The following GALNS variants were observed in gnomAD, a reference collection of about 807,000 sequenced individuals.
GALNS encodes N-acetylgalactosamine-6-sulfatase.
GALNS carries 65 observed loss-of-function variants against 65.9 expected under a neutral mutation model. The ratio of observed to expected loss-of-function variants is 0.99; its 90% CI spans 0.81 to 1.21. The LOEUF (loss-of-function observed/expected upper bound fraction) is 1.21. Among genes scored for constraint, GALNS ranks in the 50% most tolerant of loss-of-function variants. The pLI, the probability that GALNS is intolerant of heterozygous loss-of-function variation, is 0.00. For synonymous variants in GALNS, 346 were observed against 288.9 expected (o/e 1.20, Z -2.00); for missense variants, 776 against 700.7 (o/e 1.11, Z -1.21).
At position 88,823,790 on chromosome 16, in the gene GALNS, C is replaced by T. The variant is rs1187096714; in HGVS notation, c.1242+977G>A. Among the ~76,000 whole-genome samples, 18 of 145,326 alleles carry T rather than the reference C, an allele frequency of 1.2e-4. 1 individual carries two copies. Among genetic ancestry groups the T allele is most frequent in the African/African-American group, 3.9e-4 (15 of 38,922 alleles). On this transcript the variant is annotated intron_variant, in intron 11 of 13. Transcript: ENST00000268695. ...CTCGCAGGCGGCAATGCCCGGGGAC[C>T]GATGCCCAGGACGGCCCTCGCAGGC...
intron 9 of GALNS, among the ~76,000 whole-genome samples, chr16:88,829,313 C>T (rs979964908): frequency 2.0e-5 from 3 of 152,146 alleles, no homozygotes; most frequent in Non-Finnish European, 2.9e-5. Context: ...GTGGAGGGGG[C>T]GGCACAGCTG....
intron 13 of GALNS, among the ~76,000 whole-genome samples, 177 bp downstream of exon 13, chr16:88,817,830 C>T (rs1051918170): frequency 1.3e-5 from 2 of 152,216 alleles, no homozygotes; most frequent in Non-Finnish European, 2.9e-5. Context: ...CGCTTGGCTC[C>T]TGCCTCCCGA....
At chr16:88,821,215 C>G (rs571491912) in intron 12 of GALNS, among the ~76,000 whole-genome samples, 3 of 152,328 alleles carry the variant, frequency 2.0e-5, no homozygotes, top group Admixed American at 6.5e-5. Flanking sequence ...GGGCTGTGCA[C>G]CCCTGGAGGA....
At chr16:88,836,353 C>A in intron 5 of GALNS, 86 bp from the exon 6 acceptor site, 1 of 1,123,830 alleles carries the variant, frequency 8.9e-7, no homozygotes, top group Admixed American at 1.9e-5. Flanking sequence ...AAGCCATGGG[C>A]TTCATTTAAA....
intron 10 of GALNS, among the ~76,000 whole-genome samples, chr16:88,825,699 A>G (rs1910816393): frequency 6.6e-6 from 1 of 151,228 alleles, no homozygotes; most frequent in African/African-American, 2.4e-5. Context: ...GTGGGCAGAC[A>G]AGAGGATAAG....
chr16:88,841,098 G>C lies in GALNS; in HGVS notation c.320-4C>G. ...ACAATCTCCTGCGGTGTGTAGGCTG[G>C]AAGAGCAGCGCTGGGTGAGCCCCGA... On this transcript the variant is annotated splice_region_variant and splice_polypyrimidine_tract_variant and intron_variant, in intron 3 of 13. Coordinates refer to ENST00000268695, the MANE Select transcript of GALNS (RefSeq NM_000512.5). 6.2e-7 allele frequency: 1 copy of C among 1,611,852 alleles called. No individual in the cohort carries two copies. The highest frequency in any genetic ancestry group is 1.1e-5 in the South Asian group (1 of 91,062).
intron 2 of GALNS, chr16:88,842,276 C>T (rs1012459352): frequency 2.4e-5 from 13 of 543,608 alleles, no homozygotes; most frequent in South Asian, 3.9e-5. Context: ...CCCCCATCCT[C>T]GAGCACCAGC....
At chr16:88,816,013 G>C (rs757421104) in intron 13 of GALNS, 23 of 985,314 alleles carry the variant, frequency 2.3e-5, no homozygotes, top group Non-Finnish European at 2.4e-5. Flanking sequence ...GAAGGGGTAA[G>C]GAGGGCCCCC....
At chr16:88,825,240 T>C (rs1265934699) in intron 10 of GALNS, among the ~76,000 whole-genome samples, 3 of 85,716 alleles carry the variant, frequency 3.5e-5, no homozygotes, top group Non-Finnish European at 4.0e-5. Flanking sequence ...GGGGCTGGGG[T>C]GTCTGGGTGG....
intron 1 of GALNS, chr16:88,856,265 G>C (rs1420090318): frequency 1.4e-6 from 1 of 702,904 alleles, no homozygotes; most frequent in Non-Finnish European, 2.6e-6. Context: ...GGAGCCCAGC[G>C]GGGGGACCCG....
intron 1 of GALNS, chr16:88,843,859 GC>G (rs904666842): frequency 6.5e-6 from 1 of 153,032 alleles, no homozygotes; most frequent in Non-Finnish European, 1.5e-5. Context: ...ACCGCGCACG[GC>G]CCTGGAAAGC....
chr16:88,854,545 G>A (rs74035866), intron 1 of GALNS, among the ~76,000 whole-genome samples: 3,785 of 152,332 alleles, frequency 0.025, 62 homozygotes, highest in East Asian at 0.057. Flanking sequence ...AGGCTCCGAG[G>A]CCTGGGCTGG....
chr16:88,853,576 A>C (rs1022011243), intron 1 of GALNS, among the ~76,000 whole-genome samples: 4 of 152,074 alleles, frequency 2.6e-5, no homozygotes, highest in Non-Finnish European at 5.9e-5. Context: ...CTATTTTCCA[A>C]ATAAGGAGTG....
At chr16:88,851,908 T>A (rs1419442273) in intron 1 of GALNS, among the ~76,000 whole-genome samples, 2 of 152,234 alleles carry the variant, frequency 1.3e-5, no homozygotes, top group Non-Finnish European at 2.9e-5. Context: ...GCTGCCTCTG[T>A]AGACCCCACC....
At chr16:88,827,150 G>A (rs936045376) in intron 9 of GALNS, 19 of 506,842 alleles carry the variant, frequency 3.7e-5, no homozygotes, top group Middle Eastern at 5.4e-4. Flanking sequence ...CCACCTGTCC[G>A]GAGAGGATCA....
chr16:88,836,083 A>C (rs1004412857), intron 6 of GALNS, 118 bp downstream of exon 6: 1 of 1,115,966 alleles, frequency 9.0e-7, no homozygotes, highest in Non-Finnish European at 1.3e-6. Context: ...CCCTGAACCC[A>C]TGCCTCCCAC....
intron 1 of GALNS, chr16:88,844,635 C>T (rs12444242): frequency 0.21 from 32,415 of 152,300 alleles, 4,081 homozygotes; most frequent in East Asian, 0.56. Context: ...TCAGCAGCTT[C>T]GGCAGCACAA....
chr16:88,841,075 A>C lies in GALNS; in HGVS notation c.339T>G (p.Ile113Met). 6.2e-7 allele frequency: 1 copy of C among 1,613,042 alleles called. No homozygotes were observed. The highest frequency in any genetic ancestry group is 2.2e-5 in the East Asian group (1 of 44,860). ...HARNAYTPQE[I>M]VGGIPDSEQL... is the part of the protein sequence containing the mutation. ...GCTCCGAGTCTGGGATGCCGCCCAC[A>C]ATCTCCTGCGGTGTGTAGGCTGGAA... The change falls in exon 4 of 14, where the codon ATT (isoleucine) becomes ATG (methionine). Residue 113 changes from isoleucine (I) to methionine (M), a missense_variant. Coordinates refer to ENST00000268695, the MANE Select transcript of GALNS (RefSeq NM_000512.5).
At chr16:88,827,859 C>T (rs908396823) in intron 9 of GALNS, among the ~76,000 whole-genome samples, 2 of 152,220 alleles carry the variant, frequency 1.3e-5, no homozygotes, top group African/African-American at 2.4e-5. Flanking sequence ...GGGCAGGGAC[C>T]GCCATCCGCT....
Sources: gnomAD v4.1 joint callset for allele counts (sites outside exome capture counted in the v4.1 genomes callset) on GRCh38, gnomAD v4.1.1 for gene constraint, MANE v1.5 for transcripts, NCBI Gene and HGNC (gene_info 2026-07-23, HGNC 2026-07-21) for gene names.